The following PTPRA variants were observed in gnomAD, a reference collection of about 807,000 sequenced individuals.
The protein encoded by PTPRA is protein tyrosine phosphatase receptor type A.
A neutral mutation model predicts 104.8 loss-of-function variants in PTPRA; 25 were observed. The ratio of observed to expected loss-of-function variants is 0.24; its 90% CI spans 0.17 to 0.33. The LOEUF (loss-of-function observed/expected upper bound fraction) is 0.33. Ranked by LOEUF, PTPRA falls within the 10% of genes least tolerant of loss-of-function variation. PTPRA has a pLI of 1.00. For synonymous variants in PTPRA, 323 were observed against 368.9 expected (o/e 0.88, Z 1.43); for missense variants, 765 against 1,015.3 (o/e 0.75, Z 3.35).
At chr20:2,981,302 C>G (rs1050044620) in intron 6 of PTPRA, among the ~76,000 whole-genome samples, 1 of 152,100 alleles carries the variant, frequency 6.6e-6, no homozygotes, top group Non-Finnish European at 1.5e-5. Context: ...TAAGTAATTG[C>G]ATTTGAAATG....
At chr20:2,899,747 A>G (rs182912006) in intron 1 of PTPRA, among the ~76,000 whole-genome samples, 1 of 152,306 alleles carries the variant, frequency 6.6e-6, no homozygotes, top group African/African-American at 2.4e-5. Context: ...CCATGGTTTC[A>G]TTCCAATACT....
At chr20:2,994,532 A>G (rs1600226875) in intron 9 of PTPRA, among the ~76,000 whole-genome samples, 1 of 152,320 alleles carries the variant, frequency 6.6e-6, no homozygotes, top group East Asian at 1.9e-4. Context: ...CCAGGAAAGC[A>G]CTTCTGAAAG....
chr20:3,037,378 G>T lies in PTPRA; in HGVS notation c.2334+89G>T. The T allele has an allele frequency of 6.4e-7, 1 of 1,555,356 alleles. No individual in the cohort carries two copies. Among genetic ancestry groups the T allele is most frequent in the Non-Finnish European group, 8.7e-7 (1 of 1,152,934 alleles). On this transcript the variant is annotated intron_variant, in intron 23 of 23. Transcript: ENST00000399903. This position sits in a 1 kb window ranked among gnomAD's most constrained non-coding sequence, Gnocchi z 4.3. The stretch of plus-strand genomic sequence containing the variant: ...GCTCTTCAGAGGGGCCCACCCAGTA[G>T]TCAGAAGACTGTCTAAACACAGACC...
intron 1 of PTPRA, among the ~76,000 whole-genome samples, chr20:2,920,193 T>C (rs944996667): frequency 2.0e-5 from 3 of 152,194 alleles, no homozygotes; most frequent in African/African-American, 7.2e-5. Flanking sequence ...TCTGTGAGTG[T>C]TGATTATTTG....
intron 20 of PTPRA, among the ~76,000 whole-genome samples, chr20:3,030,676 CTTTTTTTTTTT>C (rs1180681994): frequency 1.5e-5 from 1 of 67,724 alleles, no homozygotes; most frequent in Non-Finnish European, 2.6e-5. Context: ...TCTCCCTCTG[CTTTTTTTTTTT>C]TTTTTTTTTT....
upstream of PTPRA, among the ~76,000 whole-genome samples, chr20:2,869,059 AC>A (rs1156957601): frequency 2.0e-5 from 3 of 152,200 alleles, no homozygotes; most frequent in African/African-American, 7.2e-5. Flanking sequence ...AAAGTTAATC[AC>A]TGATTTGCCC....
At chr20:2,967,961 C>T (rs1421972219) in intron 5 of PTPRA, among the ~76,000 whole-genome samples, 1 of 152,148 alleles carries the variant, frequency 6.6e-6, no homozygotes, top group Non-Finnish European at 1.5e-5. Flanking sequence ...TCTTTTTTAC[C>T]TCTAGAAATT....
intron 2 of PTPRA, among the ~76,000 whole-genome samples, chr20:2,936,245 C>T (rs1448281122): frequency 1.3e-5 from 2 of 152,144 alleles, no homozygotes; most frequent in African/African-American, 2.4e-5. Context: ...TATAATGGTG[C>T]ATATCTCAGA....
At chr20:2,956,936 T>C (rs2061557311) in intron 3 of PTPRA, among the ~76,000 whole-genome samples, 1 of 152,246 alleles carries the variant, frequency 6.6e-6, no homozygotes, top group Non-Finnish European at 1.5e-5. Flanking sequence ...TTACTCAAAC[T>C]CTTGCCAATG....
chr20:2,914,140 C>T (rs1235536357), intron 1 of PTPRA, among the ~76,000 whole-genome samples: 1 of 152,174 alleles, frequency 6.6e-6, no homozygotes, highest in Non-Finnish European at 1.5e-5. Flanking sequence ...GTCAAGCTGG[C>T]TTCTGTATCC....
intron 1 of PTPRA, among the ~76,000 whole-genome samples, chr20:2,887,981 G>A (rs558451451): frequency 6.6e-6 from 1 of 152,256 alleles, no homozygotes; most frequent in Non-Finnish European, 1.5e-5. Context: ...TTGTTAACAG[G>A]GACAGATTTC....
chr20:2,923,334 A>G (rs1361858987), intron 2 of PTPRA, 49 bp downstream of exon 2: 1 of 1,228,212 alleles, frequency 8.1e-7, no homozygotes, highest in East Asian at 5.7e-5. Context: ...CCAGCCAAGT[A>G]GTGTCCTTAA....
At chr20:2,956,576 A>G in intron 3 of PTPRA, among the ~76,000 whole-genome samples, 1 of 152,104 alleles carries the variant, frequency 6.6e-6, no homozygotes, top group East Asian at 1.9e-4. Flanking sequence ...TGTCTTGGCC[A>G]ATTACTCTTT....
At chr20:3,036,665 G>A (rs1042674370) in intron 22 of PTPRA, among the ~76,000 whole-genome samples, 5 of 152,240 alleles carry the variant, frequency 3.3e-5, no homozygotes, top group Admixed American at 6.5e-5. Flanking sequence ...CTCAGTGTCT[G>A]GTGAGTGAAT....
intron 1 of PTPRA, among the ~76,000 whole-genome samples, chr20:2,890,971 T>A (rs545525607): frequency 6.6e-6 from 1 of 152,226 alleles, no homozygotes; most frequent in East Asian, 1.9e-4. Context: ...CTGGTCTCCA[T>A]TGGGCTATCT....
At position 2,965,066 on chromosome 20, in the gene PTPRA, C is replaced by T; in HGVS notation, c.279C>T (p.Ser93=). ...DSDNGTTRTA[S]TNSIGITISP... ...ACAATGGGACCACAAGAACAGCAAG[C>T]ACCAATTCTATAGGCATTACAATTT... is the stretch of plus-strand genomic sequence containing the variant. The change falls in exon 5 of 24, where the codon AGC becomes AGT. Residue 93 remains serine, a synonymous_variant. Transcript: ENST00000399903. The T allele has an allele frequency of 3.1e-6, 5 of 1,614,038 alleles. No individual in the cohort carries two copies. In the Admixed American group the frequency reaches 6.7e-5, roughly 22 times the overall value.
At chr20:2,887,815 A>C (rs2090465704) in intron 1 of PTPRA, among the ~76,000 whole-genome samples, 1 of 152,214 alleles carries the variant, frequency 6.6e-6, no homozygotes, top group Admixed American at 6.5e-5. Context: ...TTCACTGTCT[A>C]AAAGGAACTG....
In PTPRA at chr20:2,964,285, C is replaced by T. The variant is rs759417725; in HGVS notation, c.8C>T (p.Ser3Phe). 10 of 1,610,098 alleles carry T rather than the reference C, an allele frequency of 6.2e-6. No homozygotes were observed. The Admixed American group carries it at 1.5e-4, about 24-fold the overall frequency. The change falls in exon 4 of 24, where the codon TCC (serine) becomes TTC (phenylalanine). Residue 3 changes from serine to phenylalanine, a missense_variant. Ser to Phe is a radical substitution (Grantham distance 155). Around this residue, in one of 4 missense-constraint regions of PTPRA, gnomAD observed 256 missense variants for 248.9 expected, o/e 1.03. Transcript: ENST00000399903. ...CCTATTTTCCAGATAAGCATGGATT[C>T]CTGGTTCATTCTTGTTCTGCTCGGC... MDSWFILVLLGSG... is the reference protein window; with the variant it reads MDFWFILVLLGSG...
chr20:2,901,401 G>T (rs1277461196), intron 1 of PTPRA, among the ~76,000 whole-genome samples: 1 of 152,224 alleles, frequency 6.6e-6, no homozygotes, highest in South Asian at 2.1e-4. Context: ...GTACAATAAT[G>T]TATTTTTAGT....
Sources: allele counts gnomAD v4.1 joint callset (sites outside exome capture counted in the v4.1 genomes callset), GRCh38; gene constraint gnomAD v4.1.1; regional missense constraint gnomAD v4.1.1; non-coding constraint Gnocchi (gnomAD v3.1); transcripts MANE v1.5; gene names NCBI Gene and HGNC (gene_info 2026-07-23, HGNC 2026-07-21).